Variants in ARPP21 observed in about 807,000 individuals in gnomAD.
The protein encoded by ARPP21 is cAMP regulated phosphoprotein 21, also known as cAMP-regulated phosphoprotein 21.
A neutral mutation model predicts 113.2 loss-of-function variants in ARPP21; 69 were observed. The ratio of observed to expected loss-of-function variants is 0.61; its 90% CI spans 0.50 to 0.74. The LOEUF (loss-of-function observed/expected upper bound fraction) is 0.74, where lower values mean the gene tolerates loss of function less well. Among genes scored for constraint, ARPP21 ranks in the 30% least tolerant of loss-of-function variants. ARPP21 has a pLI of 0.00. For missense variants in ARPP21, 1,070 were observed against 1,037.4 expected (o/e 1.03, Z -0.43); for synonymous variants, 368 against 375.5 (o/e 0.98, Z 0.23).
chr3:35,774,154 C>T (rs367756818), intron 19 of ARPP21, among the ~76,000 whole-genome samples: 13 of 152,056 alleles, frequency 8.5e-5, no homozygotes, highest in South Asian at 2.1e-4. Context: ...CAGTGCTGTG[C>T]GCCTATAGTC....
At chr3:35,668,411 T>C (rs1192010443) in intron 1 of ARPP21, among the ~76,000 whole-genome samples, 1 of 152,064 alleles carries the variant, frequency 6.6e-6, no homozygotes, top group Non-Finnish European at 1.5e-5. Context: ...TTCTCCTTGC[T>C]CCTGCTGGAG....
At chr3:35,693,505 A>G (rs1475071428) in intron 9 of ARPP21, among the ~76,000 whole-genome samples, 1 of 151,632 alleles carries the variant, frequency 6.6e-6, no homozygotes, top group Non-Finnish European at 1.5e-5. Context: ...TCTGTATCCA[A>G]ATAGGAACAA....
chr3:35,681,634 T>C, intron 2 of ARPP21, 80 bp from the exon 3 acceptor site: 1 of 746,098 alleles, frequency 1.3e-6, no homozygotes, highest in Non-Finnish European at 2.1e-6. Context: ...GATTTGAATA[T>C]GAAAGGAGAA....
intron 19 of ARPP21, among the ~76,000 whole-genome samples, chr3:35,769,959 G>A (rs1192734352): frequency 6.6e-6 from 1 of 152,152 alleles, no homozygotes; most frequent in African/African-American, 2.4e-5. Context: ...GGGAGTGTGG[G>A]AGTATGTAGC....
At chr3:35,761,735 T>A (rs553777555) in intron 19 of ARPP21, among the ~76,000 whole-genome samples, 2 of 152,210 alleles carry the variant, frequency 1.3e-5, no homozygotes, top group South Asian at 4.2e-4. Context: ...ACTAGAAGGA[T>A]TAGCACCTCA....
chr3:35,725,057 T>G (rs2093422166), intron 14 of ARPP21, among the ~76,000 whole-genome samples: 1 of 152,144 alleles, frequency 6.6e-6, no homozygotes, highest in Non-Finnish European at 1.5e-5. Flanking sequence ...AGAACTGAGC[T>G]CCACTGAATC....
chr3:35,707,649 A>G (rs925007976), intron 10 of ARPP21: 1 of 411,444 alleles, frequency 2.4e-6, no homozygotes, highest in Middle Eastern at 3.7e-4. Flanking sequence ...TTTATGGTCC[A>G]TGTAAATTGT....
intron 19 of ARPP21, chr3:35,774,828 G>A (rs982903200): frequency 2.0e-5 from 3 of 152,156 alleles, no homozygotes; most frequent in South Asian, 2.1e-4. Flanking sequence ...CTAGAAAAGG[G>A]CCTCAATACT....
intron 18 of ARPP21, among the ~76,000 whole-genome samples, chr3:35,741,540 C>T (rs767933822): frequency 6.6e-6 from 1 of 152,176 alleles, no homozygotes; most frequent in Non-Finnish European, 1.5e-5. Context: ...TCATCTGACT[C>T]ATCATGTATG....
At chr3:35,715,124 A>G (rs1053631022) in intron 11 of ARPP21, 3 of 250,878 alleles carry the variant, frequency 1.2e-5, no homozygotes, top group African/African-American at 4.5e-5. Flanking sequence ...AGAAGAAACC[A>G]CTAGCTCGGA....
At chr3:35,667,152 T>C (rs1276202189) in intron 1 of ARPP21, among the ~76,000 whole-genome samples, 1 of 152,218 alleles carries the variant, frequency 6.6e-6, no homozygotes, top group Non-Finnish European at 1.5e-5. Flanking sequence ...CCTATTATCC[T>C]ACATTCTTTA....
chr3:35,784,597 C>T (rs1008899557), intron 19 of ARPP21, among the ~76,000 whole-genome samples: 1 of 152,142 alleles, frequency 6.6e-6, no homozygotes, highest in Non-Finnish European at 1.5e-5. Context: ...TCCTATACCA[C>T]CTTGCCTTAG....
chr3:35,673,364 T>C (rs895101155), intron 1 of ARPP21, among the ~76,000 whole-genome samples: 1 of 152,032 alleles, frequency 6.6e-6, no homozygotes. Flanking sequence ...TTCATTCTTT[T>C]GCGCCCCTAG....
chr3:35,745,696 T>C (rs2094992235), intron 19 of ARPP21, among the ~76,000 whole-genome samples: 1 of 152,206 alleles, frequency 6.6e-6, no homozygotes, highest in South Asian at 2.1e-4. Flanking sequence ...CCATTGCTTT[T>C]TCTCCTCTTC....
chr3:35,788,487 T>C (rs1429610817), intron 19 of ARPP21, among the ~76,000 whole-genome samples: 1 of 152,198 alleles, frequency 6.6e-6, no homozygotes, highest in Non-Finnish European at 1.5e-5. Flanking sequence ...GGAGAGGCTG[T>C]GAGAATTGGC....
intron 1 of ARPP21, chr3:35,650,631 C>T (rs1352062148): frequency 1.3e-5 from 2 of 151,796 alleles, no homozygotes; most frequent in African/African-American, 2.4e-5. Flanking sequence ...GAGTGAGCAC[C>T]ACTGAGAAGC....
intron 1 of ARPP21, among the ~76,000 whole-genome samples, chr3:35,663,119 T>G (rs905215292): frequency 3.9e-5 from 6 of 152,106 alleles, no homozygotes; most frequent in African/African-American, 1.2e-4. Flanking sequence ...GCATTTCTCA[T>G]GTACCCTATA....
At chr3:35,646,246 T>C (rs1002020851) in intron 1 of ARPP21, among the ~76,000 whole-genome samples, 1 of 152,152 alleles carries the variant, frequency 6.6e-6, no homozygotes, top group Admixed American at 6.5e-5. Context: ...CACATTTATT[T>C]TTCAGCTTTT....
chr3:35,690,540 G>A (rs1427376933), intron 8 of ARPP21, among the ~76,000 whole-genome samples: 2 of 151,380 alleles, frequency 1.3e-5, no homozygotes, highest in Admixed American at 6.6e-5. Flanking sequence ...CTGCAATCAC[G>A]TATTATGTCA....
Sources: gnomAD v4.1 joint callset for allele counts (sites outside exome capture counted in the v4.1 genomes callset) on GRCh38, gnomAD v4.1.1 for gene constraint, MANE v1.5 for transcripts, NCBI Gene and HGNC (gene_info 2026-07-23, HGNC 2026-07-21) for gene names.